The following PDE4B variants were observed in gnomAD, a reference collection of about 807,000 sequenced individuals.
PDE4B encodes phosphodiesterase 4B, also known as 3',5'-cyclic-AMP phosphodiesterase 4B.
Under a neutral mutation model 82.2 loss-of-function variants are expected in PDE4B, and 20 were observed. The ratio of observed to expected loss-of-function variants is 0.24; its 90% CI spans 0.17 to 0.35. The LOEUF (loss-of-function observed/expected upper bound fraction) is 0.35, where lower values mean the gene tolerates loss of function less well. PDE4B is among the 10% of genes least tolerant of loss of function. PDE4B has a pLI of 1.00. For synonymous variants in PDE4B, 320 were observed against 318.9 expected (o/e 1.00, Z -0.04); for missense variants, 655 against 907.2 (o/e 0.72, Z 3.57).
intron 3 of PDE4B, among the ~76,000 whole-genome samples, chr1:66,158,633 G>T (rs530838284): frequency 6.6e-6 from 1 of 152,156 alleles, no homozygotes; most frequent in Non-Finnish European, 1.5e-5. Context: ...AAGAGATATT[G>T]TCACTCCCAT....
intron 1 of PDE4B, among the ~76,000 whole-genome samples, chr1:65,910,174 G>C (rs1647073924): frequency 6.6e-6 from 1 of 152,192 alleles, no homozygotes; most frequent in Admixed American, 6.5e-5. Context: ...TGTACGTAGA[G>C]TGCTTAAAAA....
intron 3 of PDE4B, among the ~76,000 whole-genome samples, chr1:65,966,548 T>C (rs550358563): frequency 5.0e-4 from 76 of 152,294 alleles, no homozygotes; most frequent in African/African-American, 1.8e-3. Flanking sequence ...AAAAAATTAC[T>C]TTAAATTTTA....
intron 3 of PDE4B, among the ~76,000 whole-genome samples, chr1:66,045,239 T>A (rs1425631027): frequency 1.3e-5 from 2 of 151,772 alleles, no homozygotes. Flanking sequence ...TTCATTTTAT[T>A]ATTATTTTTT....
At position 66,077,971 on chromosome 1, in the gene PDE4B, C is replaced by T. The variant is rs577813037; in HGVS notation, c.281+159136C>T. On this transcript the variant is annotated intron_variant, in intron 3 of 16. Coordinates refer to ENST00000341517, the MANE Select transcript of PDE4B (RefSeq NM_002600.4). ...TTATTTCTCACAATGGTAGCCAGTT[C>T]GTGGATTTTGTGAGAATTAAATAAG... Among the ~76,000 whole-genome samples, 23 of 152,200 alleles carry T rather than the reference C, an allele frequency of 1.5e-4. 1 individual carries two copies. The South Asian group carries it at 3.9e-3, about 26-fold the overall frequency.
chr1:65,839,651 T>C (rs766656454), intron 1 of PDE4B, among the ~76,000 whole-genome samples: 27 of 152,228 alleles, frequency 1.8e-4, no homozygotes, highest in Non-Finnish European at 2.9e-4. Context: ...TGTGCCACAT[T>C]TTCTTTATCC....
At chr1:66,311,907 A>T (rs1040716) in intron 7 of PDE4B, among the ~76,000 whole-genome samples, 57,444 of 152,032 alleles carry the variant, frequency 0.38, 12,918 homozygotes, top group East Asian at 0.8. Flanking sequence ...GCATATAGGG[A>T]TCTGCTCTGA....
At chr1:66,025,695 G>T (rs1653395071) in intron 3 of PDE4B, among the ~76,000 whole-genome samples, 1 of 151,996 alleles carries the variant, frequency 6.6e-6, no homozygotes, top group South Asian at 2.1e-4. Flanking sequence ...GGTGTCCCAG[G>T]CCCCCAACTT....
At chr1:66,182,003 A>T (rs540432101) in intron 3 of PDE4B, among the ~76,000 whole-genome samples, 15 of 152,264 alleles carry the variant, frequency 9.9e-5, no homozygotes, top group African/African-American at 3.4e-4. Context: ...TGATTTCAAT[A>T]TATTATTATT....
chr1:65,918,757 G>A lies in PDE4B; in HGVS notation c.203G>A (p.Gly68Glu). The A allele has an allele frequency of 1.9e-6, 3 of 1,614,088 alleles. No homozygotes were observed. The highest frequency in any genetic ancestry group is 2.5e-6 in the Non-Finnish European group (3 of 1,179,918). The change falls in exon 3 of 17, where the codon GGA becomes GAA. Residue 68 changes from glycine (G) to glutamate (E), a missense_variant. By Grantham distance (98) the Gly-to-Glu change is moderately conservative. This residue lies in a region of PDE4B where 253 missense variants were observed against 275.6 expected (regional missense o/e 0.92). Transcript: ENST00000341517. ...RQSERARTPE[G>E]DGISRPTTLP... is the part of the protein sequence containing the mutation. ...AGTGAAAGGGCAAGGACTCCTGAGG[G>A]AGATGGTATTTCCAGGCCGACCACA... is the stretch of plus-strand genomic sequence containing the variant.
intron 3 of PDE4B, among the ~76,000 whole-genome samples, chr1:66,117,743 C>G (rs1439240724): frequency 6.6e-6 from 1 of 152,134 alleles, no homozygotes; most frequent in Non-Finnish European, 1.5e-5. Context: ...ATCAGCCCAT[C>G]TGAGTTTTCT....
intron 3 of PDE4B, among the ~76,000 whole-genome samples, chr1:66,089,126 A>G (rs1644959380): frequency 6.6e-6 from 1 of 152,120 alleles, no homozygotes; most frequent in African/African-American, 2.4e-5. Flanking sequence ...CTCTGTCACT[A>G]ACTGACTAAC....
chr1:66,257,580 A>T (rs1352050316), intron 4 of PDE4B, 67 bp from the exon 5 acceptor site: 5 of 1,327,008 alleles, frequency 3.8e-6, no homozygotes, highest in Non-Finnish European at 5.4e-6. Context: ...ATTTAATATT[A>T]TAGCTTATAT....
intron 3 of PDE4B, among the ~76,000 whole-genome samples, chr1:66,027,392 A>G (rs561678116): frequency 6.6e-6 from 1 of 152,294 alleles, no homozygotes; most frequent in African/African-American, 2.4e-5. Flanking sequence ...CCCTCCCACA[A>G]CATGTGGAAA....
chr1:66,303,365 A>G (rs950436158), intron 7 of PDE4B, among the ~76,000 whole-genome samples: 1 of 151,722 alleles, frequency 6.6e-6, no homozygotes, highest in Admixed American at 6.6e-5. Context: ...ATATATATAT[A>G]TATATACACA....
chr1:66,107,629 T>A (rs1340774205), intron 3 of PDE4B, among the ~76,000 whole-genome samples: 2 of 152,062 alleles, frequency 1.3e-5, no homozygotes, highest in Non-Finnish European at 2.9e-5. Context: ...CATATTGTTA[T>A]GCAGATATAT....
chr1:66,166,131 A>G (rs777555451), intron 3 of PDE4B, among the ~76,000 whole-genome samples: 1 of 152,188 alleles, frequency 6.6e-6, no homozygotes, highest in Non-Finnish European at 1.5e-5. Context: ...AGGCAATTCA[A>G]TGGGGGAGTG....
At chr1:65,965,032 G>T (rs779316541) in intron 3 of PDE4B, among the ~76,000 whole-genome samples, 1 of 152,104 alleles carries the variant, frequency 6.6e-6, no homozygotes, top group Non-Finnish European at 1.5e-5. Context: ...TCTCATGAGT[G>T]TACTGAATTT....
chr1:65,935,966 C>A (rs1648107476), intron 3 of PDE4B, among the ~76,000 whole-genome samples: 1 of 152,068 alleles, frequency 6.6e-6, no homozygotes, highest in Admixed American at 6.6e-5. Context: ...ACAACAACAA[C>A]AACAACAAAA....
chr1:66,110,968 G>T (rs1343348844), intron 3 of PDE4B, among the ~76,000 whole-genome samples: 2 of 152,070 alleles, frequency 1.3e-5, no homozygotes, highest in Non-Finnish European at 2.9e-5. Flanking sequence ...ACCAATTTGG[G>T]CAGAGCTGAA....
Sources: gnomAD v4.1 joint callset for allele counts (sites outside exome capture counted in the v4.1 genomes callset) on GRCh38, gnomAD v4.1.1 for gene constraint, gnomAD v4.1.1 regional missense constraint, MANE v1.5 for transcripts, NCBI Gene and HGNC (gene_info 2026-07-23, HGNC 2026-07-21) for gene names.